Variants in MYH10 observed in about 807,000 individuals in gnomAD.
The protein encoded by MYH10 is myosin-10.
A neutral mutation model predicts 257.8 loss-of-function variants in MYH10; 55 were observed. The ratio of observed to expected loss-of-function variants is 0.21; its 90% CI spans 0.17 to 0.27. The LOEUF (loss-of-function observed/expected upper bound fraction) is 0.27. MYH10 is among the 10% of genes least tolerant of loss of function. The pLI, the probability that MYH10 is intolerant of heterozygous loss-of-function variation, is 1.00. For synonymous variants in MYH10, 854 were observed against 921.7 expected (o/e 0.93, Z 1.33); for missense variants, 1,631 against 2,500.6 (o/e 0.65, Z 7.42).
At chr17:8,627,038 A>G (rs1234709588) in intron 1 of MYH10, among the ~76,000 whole-genome samples, 2 of 152,242 alleles carry the variant, frequency 1.3e-5, no homozygotes, top group African/African-American at 4.8e-5. Context: ...TAGATGGGGA[A>G]ATGCTTGTAA....
At chr17:8,499,177 T>C in intron 30 of MYH10, 93 bp downstream of exon 30, 1 of 1,270,884 alleles carries the variant, frequency 7.9e-7, no homozygotes. Flanking sequence ...CACAGCACAT[T>C]GGCCATGGGT....
intron 3 of MYH10, among the ~76,000 whole-genome samples, chr17:8,592,970 T>TATATATATATATATATA (rs1567953268): frequency 1.7e-4 from 21 of 121,960 alleles, no homozygotes; most frequent in Non-Finnish European, 3.1e-4. Flanking sequence ...TATATATATA[T>TATATATATATATATATA]AAAAGATGAT....
At chr17:8,584,000 G>T (rs1347418552) in intron 4 of MYH10, among the ~76,000 whole-genome samples, 1 of 152,154 alleles carries the variant, frequency 6.6e-6, no homozygotes, top group Non-Finnish European at 1.5e-5. Flanking sequence ...TTTTAATTCT[G>T]ATGAGAAGGA....
rs1463311929 is a variant in MYH10, at chr17:8,548,910, CA to C, written c.920-124del. On this transcript the variant is annotated intron_variant, in intron 9 of 42. Transcript: ENST00000360416. ...TGGTCACCATGCAACCCATTGCCAG[CA>C]AAATGTTTTTTTTCTTTATATATTC... 7.6e-5 allele frequency: 54 copies of C among 708,804 alleles called. No homozygotes were observed. In the African/African-American group the frequency reaches 9.1e-4, roughly 12 times the overall value. 43.9% of individuals were successfully genotyped at this position (708,804 alleles called of 1,614,324 possible). A position where few individuals can be genotyped will look rare whatever the true frequency, so the allele number is the denominator to read the frequency against.
Position 8,475,414 on chromosome 17 carries a change from C to T in MYH10, c.*390G>A, listed in dbSNP as rs1481633451. On this transcript the variant is annotated 3_prime_UTR_variant, in exon 43 of 43. Coordinates refer to ENST00000360416, the MANE Select transcript of MYH10 (RefSeq NM_001256012.3). ...GTGAACACAGAACTAGGTTACCTGT[C>T]TGTATGACAGAGAGCATGCAGAGCG... The T allele has an allele frequency of 1.7e-5, 3 of 180,020 alleles. No homozygotes were observed. In the East Asian group the frequency reaches 4.7e-4, roughly 28 times the overall value. 11.2% of individuals were successfully genotyped at this position (180,020 alleles called of 1,614,324 possible).
At chr17:8,592,970 T>TATATATA (rs1567953268) in intron 3 of MYH10, among the ~76,000 whole-genome samples, 5 of 121,952 alleles carry the variant, frequency 4.1e-5, no homozygotes, top group Non-Finnish European at 7.0e-5. Context: ...TATATATATA[T>TATATATA]AAAAGATGAT....
chr17:8,563,464 G>A (rs117443728), intron 7 of MYH10, among the ~76,000 whole-genome samples: 1 of 152,132 alleles, frequency 6.6e-6, no homozygotes, highest in Admixed American at 6.5e-5. Flanking sequence ...TCCCCAATCC[G>A]GGGTCAAGGG....
chr17:8,563,855 T>C (rs2083074084), intron 7 of MYH10, among the ~76,000 whole-genome samples: 1 of 139,370 alleles, frequency 7.2e-6, no homozygotes, highest in African/African-American at 2.7e-5. Context: ...AGGTACATAA[T>C]AGTTGGAAAT....
intron 3 of MYH10, among the ~76,000 whole-genome samples, chr17:8,598,163 A>C (rs1323722136): frequency 6.6e-6 from 1 of 152,136 alleles, no homozygotes. Flanking sequence ...GACAGACCTG[A>C]CCACTAAAAT....
chr17:8,608,217 A>G (rs1220942685), intron 2 of MYH10, among the ~76,000 whole-genome samples: 1 of 152,214 alleles, frequency 6.6e-6, no homozygotes, highest in African/African-American at 2.4e-5. Flanking sequence ...TGAAATAAGC[A>G]TTTCAGACAA....
intron 1 of MYH10, chr17:8,623,484 T>A: frequency 3.1e-6 from 1 of 327,486 alleles, no homozygotes; most frequent in Non-Finnish European, 5.3e-6. Context: ...GTCTGATGGG[T>A]TTGCCCTCAG....
At chr17:8,537,447 A>T (rs1326788481) in intron 14 of MYH10, among the ~76,000 whole-genome samples, 1 of 152,146 alleles carries the variant, frequency 6.6e-6, no homozygotes, top group Non-Finnish European at 1.5e-5. Flanking sequence ...AGCTGAGGGA[A>T]CCCTTCTGCA....
At chr17:8,606,324 C>T (rs73973176) in intron 2 of MYH10, among the ~76,000 whole-genome samples, 1,659 of 152,250 alleles carry the variant, frequency 0.011, 38 homozygotes, top group African/African-American at 0.038. Flanking sequence ...CAGTCAGAAC[C>T]GCTGACAGAT....
chr17:8,518,025 C>CGTGTGGGTGTGT (rs2081525201), intron 21 of MYH10, among the ~76,000 whole-genome samples: 1 of 123,628 alleles, frequency 8.1e-6, no homozygotes, highest in African/African-American at 3.1e-5. Context: ...CCCTTGGCCC[C>CGTGTGGGTGTGT]GTGTGTGTGT....
chr17:8,607,165 T>A (rs992124833), intron 2 of MYH10, among the ~76,000 whole-genome samples: 8 of 152,294 alleles, frequency 5.3e-5, no homozygotes, highest in African/African-American at 1.9e-4. Context: ...CCACCCTCAC[T>A]TTTTCATTCA....
intron 4 of MYH10, among the ~76,000 whole-genome samples, 164 bp downstream of exon 4, chr17:8,588,917 C>A (rs2084016929): frequency 6.6e-6 from 1 of 152,154 alleles, no homozygotes; most frequent in Non-Finnish European, 1.5e-5. Context: ...ACCATTAACA[C>A]CAAATTTAAG....
chr17:8,622,864 G>T (rs375303189), intron 2 of MYH10, 38 bp downstream of exon 2: 5 of 1,593,212 alleles, frequency 3.1e-6, no homozygotes, highest in Admixed American at 3.5e-5. Context: ...TTAATTCCTA[G>T]CTACCACTTC....
Position 8,518,881 on chromosome 17 carries a change from C to A in MYH10, c.2343G>T (p.Met781Ile). Reference sequence around the variant, plus strand: ...CAGAAAAAGATCAAGAAAACCTTACCATTCGTTCACAGGCCTGTTTACCAT... The same window carrying A: ...CAGAAAAAGATCAAGAAAACCTTACAATTCGTTCACAGGCCTGTTTACCAT... Reference protein sequence around the residue: ...FMDGKQACERMIRALELDPNL... With the variant: ...FMDGKQACERIIRALELDPNL... Residue 781 changes from methionine (M) to isoleucine (I), a missense_variant and splice_region_variant, in exon 20 of 43, where the codon ATG becomes ATT. By Grantham distance (10) the Met-to-Ile change is conservative (BLOSUM62 1). Coordinates refer to ENST00000360416, the MANE Select transcript of MYH10 (RefSeq NM_001256012.3). The A allele has an allele frequency of 6.2e-7, 1 of 1,607,758 alleles. No individual in the cohort carries two copies. Among genetic ancestry groups the A allele is most frequent in the South Asian group, 1.1e-5 (1 of 89,422 alleles).
At chr17:8,560,069 TAA>T (rs904901804) in intron 7 of MYH10, among the ~76,000 whole-genome samples, 1 of 151,590 alleles carries the variant, frequency 6.6e-6, no homozygotes, top group South Asian at 2.1e-4. Flanking sequence ...AACATTTCAC[TAA>T]AAAAAAATTC....
Sources: gnomAD v4.1 joint callset for allele counts (sites outside exome capture counted in the v4.1 genomes callset) on GRCh38, gnomAD v4.1.1 for gene constraint, MANE v1.5 for transcripts, NCBI Gene and HGNC (gene_info 2026-07-23, HGNC 2026-07-21) for gene names.